The following PTPRD variants were observed in gnomAD, a reference collection of about 807,000 sequenced individuals.
PTPRD encodes the protein protein tyrosine phosphatase receptor type D, also known as receptor-type tyrosine-protein phosphatase delta.
Under a neutral mutation model 214.5 loss-of-function variants are expected in PTPRD, and 34 were observed. The observed-to-expected ratio is 0.16, with a 90% CI of 0.12 to 0.21. The LOEUF is 0.21. Ranked by LOEUF, PTPRD falls within the 10% of genes least tolerant of loss-of-function variation. The pLI is 1.00. For synonymous variants in PTPRD, 1,128 were observed against 845.7 expected (o/e 1.33, Z -5.79); for missense variants, 2,545 against 2,398.7 (o/e 1.06, Z -1.27).
chr9:9,272,429 C>T (rs901388418), intron 9 of PTPRD, among the ~76,000 whole-genome samples: 2 of 151,156 alleles, frequency 1.3e-5, no homozygotes, highest in South Asian at 4.1e-4. Flanking sequence ...CTGTTGGGTA[C>T]TGACTTAATA....
intron 11 of PTPRD, among the ~76,000 whole-genome samples, chr9:8,960,551 G>T (rs1184723744): frequency 1.3e-5 from 2 of 152,118 alleles, no homozygotes; most frequent in African/African-American, 4.8e-5. Flanking sequence ...AAGATGTCGT[G>T]CATTAAAAAC....
intron 8 of PTPRD, among the ~76,000 whole-genome samples, chr9:9,452,195 A>G (rs1294879122): frequency 1.3e-5 from 2 of 151,548 alleles, no homozygotes; most frequent in Non-Finnish European, 3.0e-5. Flanking sequence ...AAGATGTGTC[A>G]TTTAAACCAA....
intron 3 of PTPRD, among the ~76,000 whole-genome samples, chr9:10,159,465 C>T (rs570056284): frequency 1.4e-4 from 22 of 151,948 alleles, no homozygotes; most frequent in African/African-American, 5.1e-4. Flanking sequence ...GATGTGCATG[C>T]ACAAAAAATA....
intron 14 of PTPRD, among the ~76,000 whole-genome samples, chr9:8,598,700 T>C (rs2094613818): frequency 6.6e-6 from 1 of 152,148 alleles, no homozygotes; most frequent in East Asian, 1.9e-4. Context: ...CTAAAAAGTA[T>C]CCTTCATCAT....
intron 11 of PTPRD, among the ~76,000 whole-genome samples, chr9:8,785,529 A>G (rs2095908509): frequency 6.6e-6 from 1 of 152,198 alleles, no homozygotes; most frequent in Non-Finnish European, 1.5e-5. Context: ...TCGCCTTACT[A>G]TTGCTTCCTG....
chr9:9,734,022 G>A (rs1219711396), intron 7 of PTPRD, among the ~76,000 whole-genome samples: 4 of 152,106 alleles, frequency 2.6e-5, no homozygotes, highest in Non-Finnish European at 5.9e-5. Flanking sequence ...AATGTTGCAA[G>A]GATTTTAAGA....
intron 2 of PTPRD, among the ~76,000 whole-genome samples, chr9:10,465,475 G>A (rs552845034): frequency 1.6e-4 from 24 of 152,208 alleles, no homozygotes; most frequent in Admixed American, 1.4e-3. Context: ...ACTAAAGAGT[G>A]TCGTCATGTG....
At chr9:9,804,174 T>C (rs375616273) in intron 5 of PTPRD, among the ~76,000 whole-genome samples, 1 of 152,102 alleles carries the variant, frequency 6.6e-6, no homozygotes, top group Non-Finnish European at 1.5e-5. Context: ...CCCAGTCTCA[T>C]CCCTCTACAT....
At chr9:9,945,425 G>A (rs530395639) in intron 4 of PTPRD, among the ~76,000 whole-genome samples, 4 of 152,082 alleles carry the variant, frequency 2.6e-5, no homozygotes, top group Non-Finnish European at 5.9e-5. Flanking sequence ...TTAGATACTG[G>A]TGATATGAAG....
chr9:8,601,456 G>A (rs1040868655), intron 14 of PTPRD, among the ~76,000 whole-genome samples: 4 of 152,188 alleles, frequency 2.6e-5, no homozygotes, highest in African/African-American at 9.6e-5. Flanking sequence ...TCTTGCTTCA[G>A]CTATGACACA....
intron 2 of PTPRD, among the ~76,000 whole-genome samples, chr9:10,504,347 T>A (rs2784632): frequency 0.99 from 150,397 of 152,140 alleles, 74,356 homozygotes; most frequent in East Asian, 1. Context: ...ATATCTAGAT[T>A]AAATCCACCC....
chr9:10,216,153 T>C (rs996475941), intron 3 of PTPRD, among the ~76,000 whole-genome samples: 1 of 152,012 alleles, frequency 6.6e-6, no homozygotes. Flanking sequence ...GATTTCTAAG[T>C]TGATTTGAAT....
intron 3 of PTPRD, among the ~76,000 whole-genome samples, chr9:10,154,419 T>C (rs556450937): frequency 6.6e-6 from 1 of 152,236 alleles, no homozygotes; most frequent in African/African-American, 2.4e-5. Flanking sequence ...CTGTAGGTTA[T>C]CTGTTTATGA....
At chr9:9,578,368 G>C (rs939341904) in intron 7 of PTPRD, among the ~76,000 whole-genome samples, 1 of 152,014 alleles carries the variant, frequency 6.6e-6, no homozygotes, top group African/African-American at 2.4e-5. Flanking sequence ...CTATGATGTA[G>C]TGTTTGGAGA....
chr9:8,933,052 A>G (rs994768474), intron 11 of PTPRD, among the ~76,000 whole-genome samples: 3 of 152,022 alleles, frequency 2.0e-5, no homozygotes, highest in Non-Finnish European at 4.4e-5. Flanking sequence ...TGGGAAAAGC[A>G]TAGTATCTGG....
rs869096131 is a variant in PTPRD, at chr9:9,976,689, C to CAAA, written c.-471-38082_-471-38080dup. Among the ~76,000 whole-genome samples, 27 of 63,244 alleles carry CAAA rather than the reference C, an allele frequency of 4.3e-4. 1 individual carries two copies. Among genetic ancestry groups the CAAA allele is most frequent in the South Asian group, 2.3e-3 (3 of 1,280 alleles). The allele number at this position is 63,244 out of a possible 152,430, so 41.5% of individuals were successfully genotyped here. On this transcript the variant is annotated intron_variant, in intron 4 of 45. Transcript: ENST00000381196. The stretch of plus-strand genomic sequence containing the variant: ...GGTGTGAGCCACTACACCCTGCCAC[C>CAAA]AAAAAAAAAAAAAAAAAAAAAAATT...
At chr9:10,560,136 T>C (rs1288629384) in intron 2 of PTPRD, among the ~76,000 whole-genome samples, 1 of 152,004 alleles carries the variant, frequency 6.6e-6, no homozygotes, top group Non-Finnish European at 1.5e-5. Flanking sequence ...CTATTCACAA[T>C]AGCAAAGACA....
At chr9:10,466,350 G>A (rs919688518) in intron 2 of PTPRD, among the ~76,000 whole-genome samples, 8 of 152,178 alleles carry the variant, frequency 5.3e-5, no homozygotes, top group Admixed American at 1.3e-4. Context: ...TATGCCGGGT[G>A]CGGTGGCTGA....
intron 11 of PTPRD, among the ~76,000 whole-genome samples, chr9:8,778,518 T>C (rs1357039460): frequency 2.6e-5 from 4 of 152,184 alleles, no homozygotes; most frequent in Non-Finnish European, 5.9e-5. Context: ...GACTTCATGC[T>C]GCAAGATCAC....
Sources: allele counts gnomAD v4.1 joint callset (sites outside exome capture counted in the v4.1 genomes callset), GRCh38; gene constraint gnomAD v4.1.1; transcripts MANE v1.5; gene names NCBI Gene and HGNC (gene_info 2026-07-23, HGNC 2026-07-21).